PLXNC1: variants seen among roughly 807,000 people sequenced by gnomAD.
The protein encoded by PLXNC1 is plexin-C1.
Under a neutral mutation model 178.2 loss-of-function variants are expected in PLXNC1, and 75 were observed. The ratio of observed to expected loss-of-function variants is 0.42; its 90% CI spans 0.35 to 0.51. PLXNC1 has a LOEUF of 0.51. Ranked by LOEUF, PLXNC1 falls within the 20% of genes least tolerant of loss-of-function variation. The probability of loss-of-function intolerance (pLI) is 0.02; values close to 1 mark genes in which losing one functional copy is unlikely to be tolerated. For synonymous variants in PLXNC1, 790 were observed against 779.9 expected (o/e 1.01, Z -0.22); for missense variants, 1,503 against 1,984.4 (o/e 0.76, Z 4.61).
chr12:94,165,431 C>T (rs1021325569), intron 1 of PLXNC1, among the ~76,000 whole-genome samples: 25 of 152,322 alleles, frequency 1.6e-4, no homozygotes, highest in African/African-American at 5.3e-4. Flanking sequence ...CTAGAGTTTT[C>T]ATGAGGTCCA....
chr12:94,258,421 C>A (rs1964914270), intron 17 of PLXNC1, among the ~76,000 whole-genome samples: 1 of 151,908 alleles, frequency 6.6e-6, no homozygotes, highest in Non-Finnish European at 1.5e-5. Flanking sequence ...ATTTACTTCA[C>A]AAGATATAAA....
intron 2 of PLXNC1, among the ~76,000 whole-genome samples, chr12:94,178,476 CT>C (rs1406404465): frequency 2.6e-5 from 4 of 152,132 alleles, no homozygotes; most frequent in Non-Finnish European, 5.9e-5. Context: ...CAAAAACTGG[CT>C]TCCTGTTTCT....
At chr12:94,279,776 G>T in intron 22 of PLXNC1, 127 bp downstream of exon 22, 2 of 852,644 alleles carry the variant, frequency 2.3e-6, no homozygotes, top group Non-Finnish European at 3.9e-6. Flanking sequence ...CAGCCAGGTT[G>T]TTCCTGGAGG....
chr12:94,227,385 T>C, intron 9 of PLXNC1, 150 bp downstream of exon 9: 1 of 563,138 alleles, frequency 1.8e-6, no homozygotes, highest in Admixed American at 3.3e-5. Context: ...TAACCAAGTT[T>C]CACTTAATTA....
intron 6 of PLXNC1, among the ~76,000 whole-genome samples, chr12:94,222,576 A>G (rs911998537): frequency 6.6e-6 from 1 of 152,162 alleles, no homozygotes; most frequent in African/African-American, 2.4e-5. Context: ...AACCACTCAT[A>G]TGGTTGTTTC....
chr12:94,230,101 C>T (rs943305936), intron 9 of PLXNC1, among the ~76,000 whole-genome samples: 1 of 152,190 alleles, frequency 6.6e-6, no homozygotes, highest in South Asian at 2.1e-4. Context: ...TCCCTCCTCC[C>T]TCCCATTCTC....
At chr12:94,282,274 A>G in intron 22 of PLXNC1, 24 bp from the exon 23 acceptor site, 1 of 1,548,710 alleles carries the variant, frequency 6.5e-7, no homozygotes, top group Non-Finnish European at 8.9e-7. Context: ...ACTCTCTAAA[A>G]AGGAACAAAA....
At chr12:94,246,059 T>A (rs1324079868) in intron 12 of PLXNC1, among the ~76,000 whole-genome samples, 1 of 152,152 alleles carries the variant, frequency 6.6e-6, no homozygotes, top group Non-Finnish European at 1.5e-5. Context: ...CCAAAAGGCT[T>A]CGGTGTCCTG....
chr12:94,180,233 C>G (rs1366892563), intron 2 of PLXNC1, among the ~76,000 whole-genome samples: 1 of 152,176 alleles, frequency 6.6e-6, no homozygotes, highest in Non-Finnish European at 1.5e-5. Flanking sequence ...TCCTCTACCT[C>G]TCTCCACTGA....
At position 94,260,547 on chromosome 12, in the gene PLXNC1, A is replaced by C; in HGVS notation, c.3252-95A>C. On this transcript the variant is annotated intron_variant, in intron 19 of 30. Coordinates refer to ENST00000258526, the MANE Select transcript of PLXNC1 (RefSeq NM_005761.3). The surrounding 1 kb of genome is among the most constrained non-coding windows in gnomAD (Gnocchi z 4.4). The stretch of plus-strand genomic sequence containing the variant: ...AAAAAAGCTCCCAACCCAACAGGCC[A>C]GCTCCCTGCCCTGCCAGTGAGCTTC... 1 of 765,990 alleles carries C rather than the reference A, an allele frequency of 1.3e-6. No individual in the cohort carries two copies. 47.4% of individuals were successfully genotyped at this position (765,990 alleles called of 1,614,324 possible).
At position 94,193,233 on chromosome 12, in the gene PLXNC1, G is replaced by A. The variant is rs538821953; in HGVS notation, c.1439+6760G>A. On this transcript the variant is annotated intron_variant, in intron 4 of 30. Transcript: ENST00000258526. ...AGGGCTTTAATTAAAAGTGCGACCAGATCAGGTGAGTGTTTTAGAACGAGA... is the reference window on the plus strand; with the variant it reads ...AGGGCTTTAATTAAAAGTGCGACCAAATCAGGTGAGTGTTTTAGAACGAGA... 5.3e-5 allele frequency among the ~76,000 whole-genome samples: 8 copies of A among 152,296 alleles called. No homozygotes were observed. In the South Asian group the frequency reaches 8.3e-4, roughly 16 times the overall value.
chr12:94,195,821 G>C (rs574521374), intron 4 of PLXNC1, among the ~76,000 whole-genome samples: 1 of 152,272 alleles, frequency 6.6e-6, no homozygotes, highest in African/African-American at 2.4e-5. Flanking sequence ...CTTTCTGAAG[G>C]GTTGGGAATA....
intron 23 of PLXNC1, among the ~76,000 whole-genome samples, chr12:94,292,069 T>G (rs915727873): frequency 6.6e-6 from 1 of 152,236 alleles, no homozygotes; most frequent in Admixed American, 6.5e-5. Context: ...TTCCTTTTAT[T>G]GTATGGCAAT....
chr12:94,188,701 T>C (rs7134784), intron 4 of PLXNC1, among the ~76,000 whole-genome samples: 126,876 of 152,188 alleles, frequency 0.83, 53,063 homozygotes, highest in East Asian at 0.97. Flanking sequence ...GAAGGAGAAA[T>C]GGATGATACA....
In PLXNC1 at chr12:94,148,921, G is replaced by A. The variant is rs1213559349; in HGVS notation, c.-51G>A. On this transcript the variant is annotated 5_prime_UTR_variant, in exon 1 of 31. An upstream open reading frame in the 5' UTR loses its in-frame stop. Transcript: ENST00000258526. This position sits in a 1 kb window ranked among gnomAD's most constrained non-coding sequence, Gnocchi z 4.8. Reference sequence around the variant, plus strand: ...CCCGCGTCTCCGTTGCCGCGCGCCTGAGCCGCCGTCGCCGCCGCGCGCCCT... The same window carrying A: ...CCCGCGTCTCCGTTGCCGCGCGCCTAAGCCGCCGTCGCCGCCGCGCGCCCT... The A allele has an allele frequency of 7.0e-6, 5 of 711,414 alleles. No individual in the cohort carries two copies. The highest frequency in any genetic ancestry group is 5.2e-5 in the Admixed American group (1 of 19,322). 44.1% of individuals were successfully genotyped at this position (711,414 alleles called of 1,614,324 possible).
intron 4 of PLXNC1, among the ~76,000 whole-genome samples, chr12:94,199,883 C>A (rs1011099158): frequency 6.6e-6 from 1 of 152,196 alleles, no homozygotes; most frequent in African/African-American, 2.4e-5. Flanking sequence ...CTCCACCTCC[C>A]AGGTCCAAAT....
Position 94,279,659 on chromosome 12 carries a change from T to C in PLXNC1, c.3775+10T>C. On this transcript the variant is annotated intron_variant, in intron 22 of 30. Coordinates refer to ENST00000258526, the MANE Select transcript of PLXNC1 (RefSeq NM_005761.3). Reference sequence around the variant, plus strand: ...AATGAAATTGGTCTTGGTAAGGCGGTGCGGGAGCTATGTGGTCCCAGGCCC... The same window carrying C: ...AATGAAATTGGTCTTGGTAAGGCGGCGCGGGAGCTATGTGGTCCCAGGCCC... 6.2e-7 allele frequency: 1 copy of C among 1,613,568 alleles called. No homozygotes were observed.
intron 6 of PLXNC1, among the ~76,000 whole-genome samples, chr12:94,221,489 G>A (rs943675247): frequency 2.0e-5 from 3 of 152,142 alleles, no homozygotes; most frequent in African/African-American, 7.2e-5. Context: ...GAGTCTCTTC[G>A]AATGAGAAAG....
chr12:94,240,455 T>C (rs1964357616), intron 10 of PLXNC1, 30 bp from the exon 11 acceptor site: 1 of 1,569,872 alleles, frequency 6.4e-7, no homozygotes, highest in Non-Finnish European at 8.7e-7. Flanking sequence ...GTCTGTGTCA[T>C]GTGAGAGTTC....
Sources: allele counts gnomAD v4.1 joint callset (sites outside exome capture counted in the v4.1 genomes callset), GRCh38; gene constraint gnomAD v4.1.1; non-coding constraint Gnocchi (gnomAD v3.1); transcripts MANE v1.5; gene names NCBI Gene and HGNC (gene_info 2026-07-23, HGNC 2026-07-21).